B4GALNT3: variants seen among roughly 807,000 people sequenced by gnomAD.
B4GALNT3 encodes the protein beta-1,4-N-acetylgalactosaminyltransferase 3.
B4GALNT3 carries 86 observed loss-of-function variants against 120.2 expected under a neutral mutation model. The observed-to-expected ratio is 0.72, with a 90% CI of 0.60 to 0.86. The LOEUF (loss-of-function observed/expected upper bound fraction) is 0.86, where lower values mean the gene tolerates loss of function less well. Ranked by LOEUF, B4GALNT3 falls within the 40% of genes least tolerant of loss-of-function variation. The pLI is 0.00. For missense variants in B4GALNT3, 1,167 were observed against 1,298.9 expected (o/e 0.90, Z 1.56); for synonymous variants, 518 against 510.4 (o/e 1.01, Z -0.20).
chr12:491,482 A>G (rs983886878), intron 1 of B4GALNT3, among the ~76,000 whole-genome samples: 3 of 151,912 alleles, frequency 2.0e-5, no homozygotes, highest in African/African-American at 7.3e-5. Context: ...GGCGTGCACC[A>G]TCATGCCCAG....
intron 1 of B4GALNT3, among the ~76,000 whole-genome samples, chr12:477,493 T>A (rs558973429): frequency 6.6e-6 from 1 of 152,342 alleles, no homozygotes; most frequent in South Asian, 2.1e-4. Context: ...GAATTGAATT[T>A]TCACATTGCA....
Position 561,737 on chromosome 12 carries a change from GGA to G in B4GALNT3, c.*291_*292del, listed in dbSNP as rs1174005148. On this transcript the variant is annotated 3_prime_UTR_variant, in exon 20 of 20. Coordinates refer to ENST00000266383, the MANE Select transcript of B4GALNT3 (RefSeq NM_173593.4). ...GCTCCTGAGAAGGACGGGTCAGGAAGGAGAGATCTGACTGAGCGACACCATCC... is the reference window on the plus strand; with the variant it reads ...GCTCCTGAGAAGGACGGGTCAGGAAGGAGATCTGACTGAGCGACACCATCC... 2.8e-6 allele frequency: 1 copy of G among 363,070 alleles called. No homozygotes were observed. The highest frequency in any genetic ancestry group is 5.2e-5 in the East Asian group (1 of 19,154). 22.5% of individuals were successfully genotyped at this position (363,070 alleles called of 1,614,324 possible). A position where few individuals can be genotyped will look rare whatever the true frequency, so the allele number is the denominator to read the frequency against.
At chr12:559,466 G>A (rs1440294242) in intron 19 of B4GALNT3, 45 bp downstream of exon 19, 1 of 1,606,644 alleles carries the variant, frequency 6.2e-7, no homozygotes, top group East Asian at 2.2e-5. Context: ...GGAATTCCAT[G>A]GCGCTCCAGG....
chr12:544,525 G>A, intron 4 of B4GALNT3, 91 bp downstream of exon 4: 3 of 1,216,624 alleles, frequency 2.5e-6, no homozygotes, highest in Non-Finnish European at 3.6e-6. Flanking sequence ...ATCTTTTCTG[G>A]TCCATATTTT....
chr12:555,817 C>A (rs113025038), intron 14 of B4GALNT3, among the ~76,000 whole-genome samples: 1 of 151,842 alleles, frequency 6.6e-6, no homozygotes, highest in African/African-American at 2.4e-5. Flanking sequence ...CGGAGTCTCG[C>A]TCTGTCGCCC....
intron 1 of B4GALNT3, among the ~76,000 whole-genome samples, chr12:512,869 TCCAC>T (rs1946606871): frequency 8.0e-6 from 1 of 125,586 alleles, no homozygotes; most frequent in Non-Finnish European, 1.6e-5. Context: ...CCTTCCACCT[TCCAC>T]CTTCCACATT....
rs913618794 is a variant in B4GALNT3 at position 485,540 on chromosome 12, T to C, written c.169+24995T>C. Among the ~76,000 whole-genome samples, 5 of 152,136 alleles carry C rather than the reference T, an allele frequency of 3.3e-5. No individual in the cohort carries two copies. In the East Asian group the frequency reaches 5.8e-4, roughly 18 times the overall value. On this transcript the variant is annotated intron_variant, in intron 1 of 19. Coordinates refer to ENST00000266383, the MANE Select transcript of B4GALNT3 (RefSeq NM_173593.4). ...AAACCAAGACCCAGAAATATGTGAA[T>C]GACCTCAGGGTCGATAGACCCAAGG...
chr12:520,968 C>T (rs1946703653), intron 1 of B4GALNT3, among the ~76,000 whole-genome samples: 1 of 152,156 alleles, frequency 6.6e-6, no homozygotes. Flanking sequence ...TGTAAAGTTT[C>T]TTAAGTATTG....
At chr12:555,617 G>C (rs1036312806) in intron 14 of B4GALNT3, among the ~76,000 whole-genome samples, 2 of 152,112 alleles carry the variant, frequency 1.3e-5, no homozygotes, top group Non-Finnish European at 2.9e-5. Flanking sequence ...TAGAACTTCT[G>C]GGTCATATGG....
At chr12:500,819 T>C (rs1946431937) in intron 1 of B4GALNT3, among the ~76,000 whole-genome samples, 1 of 148,002 alleles carries the variant, frequency 6.8e-6, no homozygotes, top group Admixed American at 6.8e-5. Context: ...GTAAGCATTT[T>C]GAACTCACCC....
intron 3 of B4GALNT3, among the ~76,000 whole-genome samples, chr12:541,912 ATGCCCTCCCCCAC>A (rs911883038): frequency 2.8e-5 from 4 of 140,620 alleles, no homozygotes; most frequent in African/African-American, 1.1e-4. Context: ...CTCTGGTGGC[ATGCCCTCCCCCAC>A]TGCCCTCCCT....
chr12:554,213 C>G (rs1468427828), intron 14 of B4GALNT3, among the ~76,000 whole-genome samples: 1 of 152,226 alleles, frequency 6.6e-6, no homozygotes, highest in Non-Finnish European at 1.5e-5. Flanking sequence ...TCTGAAATCC[C>G]TGGGTGCCTG....
chr12:542,652 C>T (rs1946931088), intron 3 of B4GALNT3, among the ~76,000 whole-genome samples: 1 of 152,230 alleles, frequency 6.6e-6, no homozygotes, highest in East Asian at 1.9e-4. Flanking sequence ...CCCTGCCACC[C>T]ACTCAGAGTG....
At chr12:525,151 C>T (rs1313674966) in intron 1 of B4GALNT3, among the ~76,000 whole-genome samples, 2 of 151,638 alleles carry the variant, frequency 1.3e-5, no homozygotes, top group Admixed American at 6.6e-5. Context: ...CTCTGTCGCC[C>T]GGGCTGGAGT....
chr12:535,044 C>A, intron 1 of B4GALNT3, 122 bp from the exon 2 acceptor site: 2 of 762,542 alleles, frequency 2.6e-6, no homozygotes, highest in South Asian at 1.9e-5. Flanking sequence ...CCTCTTCCCA[C>A]CCACCCTCTG....
chr12:478,779 G>A (rs1946208432), intron 1 of B4GALNT3, among the ~76,000 whole-genome samples: 1 of 152,214 alleles, frequency 6.6e-6, no homozygotes, highest in Non-Finnish European at 1.5e-5. Flanking sequence ...GGGTGGAAGG[G>A]CAGGCAAACA....
intron 3 of B4GALNT3, among the ~76,000 whole-genome samples, chr12:542,756 C>A (rs940704565): frequency 1.3e-5 from 2 of 152,256 alleles, no homozygotes; most frequent in African/African-American, 2.4e-5. Context: ...TCCAACCCAA[C>A]TGGCACTGCC....
At chr12:493,013 A>G in intron 1 of B4GALNT3, among the ~76,000 whole-genome samples, 1 of 152,232 alleles carries the variant, frequency 6.6e-6, no homozygotes, top group East Asian at 1.9e-4. Context: ...GAGAAAACCT[A>G]GGTGATCTTG....
At chr12:559,569 A>C in intron 19 of B4GALNT3, 148 bp downstream of exon 19, 3 of 1,137,676 alleles carry the variant, frequency 2.6e-6, no homozygotes, top group Non-Finnish European at 3.7e-6. Context: ...ACGCCCTCAA[A>C]TCACCGGCCT....
Sources: allele counts gnomAD v4.1 joint callset (sites outside exome capture counted in the v4.1 genomes callset), GRCh38; gene constraint gnomAD v4.1.1; transcripts MANE v1.5; gene names NCBI Gene and HGNC (gene_info 2026-07-23, HGNC 2026-07-21).